ASAP3: variants seen among roughly 807,000 people sequenced by gnomAD.
The protein encoded by ASAP3 is arf-GAP with SH3 domain, ANK repeat and PH domain-containing protein 3.
Under a neutral mutation model 118.2 loss-of-function variants are expected in ASAP3, and 85 were observed. The ratio of observed to expected loss-of-function variants is 0.72; its 90% CI spans 0.60 to 0.86. The LOEUF (loss-of-function observed/expected upper bound fraction) is 0.86. Among genes scored for constraint, ASAP3 ranks in the 40% least tolerant of loss-of-function variants. The pLI is 0.00. For synonymous variants in ASAP3, 432 were observed against 477.4 expected, an observed-to-expected ratio of 0.90 and a Z score of 1.24; for missense variants, 1,026 against 1,175.0, an observed-to-expected ratio of 0.87 and a Z score of 1.85.
chr1:23,433,418 G>A lies in ASAP3; in HGVS notation c.2127+7C>T. On this transcript the variant is annotated splice_region_variant and intron_variant, in intron 21 of 24. Coordinates refer to ENST00000336689, the MANE Select transcript of ASAP3 (RefSeq NM_017707.4). ...CCAGAGGCCTGAGGGACAGGGCTGG[G>A]ACCCACCTTCTCTTCCTCATCCTCC... 1.2e-6 allele frequency: 2 copies of A among 1,614,126 alleles called. No individual in the cohort carries two copies. Among genetic ancestry groups the A allele is most frequent in the Non-Finnish European group, 1.7e-6 (2 of 1,180,034 alleles).
intron 10 of ASAP3, among the ~76,000 whole-genome samples, chr1:23,440,491 A>G (rs184093293): frequency 0.039 from 3,804 of 96,672 alleles, 93 homozygotes; most frequent in Middle Eastern, 0.099. Flanking sequence ...ACGGAGGGAG[A>G]CTCCATCTCA....
chr1:23,479,380 C>T (rs1164723440), intron 1 of ASAP3, among the ~76,000 whole-genome samples: 7 of 152,166 alleles, frequency 4.6e-5, no homozygotes, highest in African/African-American at 9.7e-5. Flanking sequence ...CTTTTACCTC[C>T]GGCTCTTCAG....
At chr1:23,429,995 C>T in intron 24 of ASAP3, 65 bp from the exon 25 acceptor site, 1 of 1,297,496 alleles carries the variant, frequency 7.7e-7, no homozygotes, top group South Asian at 1.2e-5. Flanking sequence ...GTTCATCTCA[C>T]TCAGTTTCAC....
chr1:23,473,974 C>CTTTTTTTTTGTTTTTTTTT (rs1642038406), intron 1 of ASAP3, among the ~76,000 whole-genome samples: 1 of 72,104 alleles, frequency 1.4e-5, no homozygotes, highest in African/African-American at 6.8e-5. Flanking sequence ...TAAATCTGCT[C>CTTTTTTTTTGTTTTTTTTT]TTTTTTTTTT....
intron 1 of ASAP3, among the ~76,000 whole-genome samples, chr1:23,463,362 C>T (rs1388697038): frequency 1.3e-5 from 1 of 76,766 alleles, no homozygotes; most frequent in Non-Finnish European, 4.3e-5. Flanking sequence ...TAAAGAAATG[C>T]AGGTTTTTTT....
intron 21 of ASAP3, 76 bp from the exon 22 acceptor site, chr1:23,433,348 C>T (rs1177259812): frequency 1.2e-6 from 2 of 1,612,556 alleles, no homozygotes; most frequent in South Asian, 2.2e-5. Flanking sequence ...CTCACCGCCC[C>T]CGCCAACACA....
intron 1 of ASAP3, among the ~76,000 whole-genome samples, chr1:23,460,525 A>C (rs1641551240): frequency 2.7e-5 from 4 of 148,570 alleles, no homozygotes; most frequent in African/African-American, 7.4e-5. Context: ...AAAAAAAAAA[A>C]ACCAAACAAA....
chr1:23,478,721 C>T (rs995758373), intron 1 of ASAP3, among the ~76,000 whole-genome samples: 3 of 151,132 alleles, frequency 2.0e-5, no homozygotes, highest in Non-Finnish European at 4.4e-5. Context: ...GATCGTGCCA[C>T]TGCACTCCAG....
intron 1 of ASAP3, among the ~76,000 whole-genome samples, chr1:23,469,894 C>G (rs1466615177): frequency 6.6e-6 from 1 of 152,174 alleles, no homozygotes. Flanking sequence ...AAACTACGAG[C>G]TAAATCTTCT....
At chr1:23,444,151 G>A (rs1480153134) in intron 5 of ASAP3, among the ~76,000 whole-genome samples, 1 of 152,212 alleles carries the variant, frequency 6.6e-6, no homozygotes, top group Non-Finnish European at 1.5e-5. Context: ...TTACAGGCAT[G>A]AGCCACCACG....
chr1:23,476,797 G>A (rs1570415866), intron 1 of ASAP3, among the ~76,000 whole-genome samples: 1 of 151,934 alleles, frequency 6.6e-6, no homozygotes, highest in Non-Finnish European at 1.5e-5. Context: ...TACTGCCTCA[G>A]GACCTTTGCC....
At chr1:23,465,003 C>T (rs1454891347) in intron 1 of ASAP3, among the ~76,000 whole-genome samples, 1 of 152,154 alleles carries the variant, frequency 6.6e-6, no homozygotes, top group Non-Finnish European at 1.5e-5. Flanking sequence ...CCACCAGGTA[C>T]CTGATGTGAT....
rs770873016 is a variant in ASAP3, at chr1:23,431,774, C to CGGAG, written c.2464_2467dup (p.Arg823ProfsTer43). 6.5e-7 allele frequency: 1 copy of CGGAG among 1,529,946 alleles called. No individual in the cohort carries two copies. The highest frequency in any genetic ancestry group is 2.4e-5 in the East Asian group (1 of 42,542). 94.8% of individuals were successfully genotyped at this position (1,529,946 alleles called of 1,614,324 possible). A position where few individuals can be genotyped will look rare whatever the true frequency, so the allele number is the denominator to read the frequency against. ...GGGTCTGGAGGTGCCTGGGGGCTCT[C>CGGAG]GGAGGCCCTCTTCAGAGTTGGGTGG... On this transcript the variant is annotated frameshift_variant, in exon 23 of 25. Coordinates refer to ENST00000336689, the MANE Select transcript of ASAP3 (RefSeq NM_017707.4). LOFTEE classifies it high-confidence loss of function.
Position 23,441,383 on chromosome 1 carries a change from T to C in ASAP3, c.834+4A>G. On this transcript the variant is annotated splice_donor_region_variant and intron_variant, in intron 9 of 24. Transcript: ENST00000336689. The stretch of plus-strand genomic sequence containing the variant: ...ATTCCTTTTGGGATAGTTCAGGGGC[T>C]GACCTCTCTGCTCTCAAGCTGCAGT... 1 of 1,613,972 alleles carries C rather than the reference T, an allele frequency of 6.2e-7. No homozygotes were observed. The highest frequency in any genetic ancestry group is 8.5e-7 in the Non-Finnish European group (1 of 1,179,942).
Position 23,456,188 on chromosome 1 carries a change from C to G in ASAP3, c.136G>C (p.Glu46Gln). Residue 46 changes from glutamate to glutamine, a missense_variant, in exon 2 of 25, where the codon GAA becomes CAA. Physicochemically the swap from Glu to Gln is conservative, Grantham distance 29 (BLOSUM62 2). Coordinates refer to ENST00000336689, the MANE Select transcript of ASAP3 (RefSeq NM_017707.4). ...CTCTGCAGGATGGCTTGGTCTCCTT[C>G]CAAGATCTGGAAGCAAATGTGGACA... ...GAALAREEIL[E>Q]GDQAILQRIK... is the part of the protein sequence containing the mutation. The G allele has an allele frequency of 6.2e-7, 1 of 1,614,026 alleles. No homozygotes were observed. The highest frequency in any genetic ancestry group is 8.5e-7 in the Non-Finnish European group (1 of 1,179,962).
At chr1:23,443,320 G>A (rs1371447626) in intron 5 of ASAP3, among the ~76,000 whole-genome samples, 2 of 152,096 alleles carry the variant, frequency 1.3e-5, no homozygotes, top group Non-Finnish European at 2.9e-5. Context: ...AGTGTACATG[G>A]TACCCAATAG....
At chr1:23,445,651 C>T (rs1641025688) in intron 5 of ASAP3, among the ~76,000 whole-genome samples, 1 of 152,090 alleles carries the variant, frequency 6.6e-6, no homozygotes, top group African/African-American at 2.4e-5. Flanking sequence ...AATAGTATGG[C>T]GATATATAGA....
chr1:23,434,645 T>G, intron 17 of ASAP3, 27 bp from the exon 18 acceptor site: 2 of 1,605,042 alleles, frequency 1.2e-6, no homozygotes, highest in Non-Finnish European at 1.7e-6. Context: ...ACCTCTGAGA[T>G]TCCCCCCCCA....
chr1:23,442,860 G>A (rs1011680153), intron 5 of ASAP3, among the ~76,000 whole-genome samples: 1 of 152,120 alleles, frequency 6.6e-6, no homozygotes, highest in African/African-American at 2.4e-5. Flanking sequence ...CCTCGTTGGG[G>A]CTAGTTGGGA....
Sources: allele counts gnomAD v4.1 joint callset (sites outside exome capture counted in the v4.1 genomes callset), GRCh38; gene constraint gnomAD v4.1.1; transcripts MANE v1.5; gene names NCBI Gene and HGNC (gene_info 2026-07-23, HGNC 2026-07-21).